SLC22A23: variants seen among roughly 807,000 people sequenced by gnomAD.
SLC22A23 encodes the protein ion transporter protein.
Under a neutral mutation model 61.0 loss-of-function variants are expected in SLC22A23, and 26 were observed. The observed-to-expected ratio is 0.43, with a 90% CI of 0.31 to 0.59. The LOEUF (loss-of-function observed/expected upper bound fraction) is 0.59. SLC22A23 is among the 20% of genes least tolerant of loss of function. SLC22A23 has a pLI of 0.11. For synonymous variants in SLC22A23, 430 were observed against 413.9 expected (o/e 1.04, Z -0.47); for missense variants, 796 against 934.7 (o/e 0.85, Z 1.94).
At position 3,420,407 on chromosome 6, in the gene SLC22A23, T is replaced by G. The variant is rs551100299; in HGVS notation, c.655-4552A>C. Among the ~76,000 whole-genome samples, 7 of 151,966 alleles carry G rather than the reference T, an allele frequency of 4.6e-5. No homozygotes were observed. The South Asian group carries it at 1.5e-3, about 32-fold the overall frequency. ...GAAAATTTCTAAAGAAGATGGAAAA[T>G]AAATGGGAGATAAAGAAAACAACCT... On this transcript the variant is annotated intron_variant, in intron 1 of 9. Coordinates refer to ENST00000406686, the MANE Select transcript of SLC22A23 (RefSeq NM_015482.2).
chr6:3,300,291 G>A (rs983932581), intron 4 of SLC22A23, among the ~76,000 whole-genome samples: 2 of 152,184 alleles, frequency 1.3e-5, no homozygotes, highest in Non-Finnish European at 2.9e-5. Context: ...TTACAGGCAT[G>A]AGCCACCGTG....
intron 4 of SLC22A23, 126 bp from the exon 5 acceptor site, chr6:3,298,344 C>A: frequency 9.6e-7 from 1 of 1,038,442 alleles, no homozygotes; most frequent in Non-Finnish European, 1.4e-6. Flanking sequence ...CGCATCAGCC[C>A]AATCAGGGGA....
At chr6:3,430,558 T>G (rs1270727155) in intron 1 of SLC22A23, among the ~76,000 whole-genome samples, 2 of 152,016 alleles carry the variant, frequency 1.3e-5, no homozygotes, top group African/African-American at 2.4e-5. Context: ...ACGTATTGAG[T>G]GCCACACCCC....
In SLC22A23 at chr6:3,273,383, C is replaced by T. The variant is rs1561853606; in HGVS notation, c.1733G>A (p.Ser578Asn). The T allele has an allele frequency of 1.2e-6, 2 of 1,612,438 alleles. No homozygotes were observed. Among genetic ancestry groups the T allele is most frequent in the Non-Finnish European group, 1.7e-6 (2 of 1,179,834 alleles). ...TGCCGTCAGCATGCCGAAGCCCGCG[C>T]TGGCCAGCACCAGCCCCAGCCCGCC... is the stretch of plus-strand genomic sequence containing the variant. ...RCGGLGLVLASAGFGMLTAPI... is the reference protein window; with the variant it reads ...RCGGLGLVLANAGFGMLTAPI... Residue 578 changes from serine to asparagine, a missense_variant, in exon 10 of 10, where the codon AGC becomes AAC. Physicochemically the swap from Ser to Asn is conservative, Grantham distance 46. Coordinates refer to ENST00000406686, the MANE Select transcript of SLC22A23 (RefSeq NM_015482.2).
intron 4 of SLC22A23, among the ~76,000 whole-genome samples, chr6:3,311,066 T>C (rs1337458472): frequency 2.6e-5 from 4 of 152,228 alleles, no homozygotes; most frequent in African/African-American, 9.6e-5. Flanking sequence ...ATCCACCTGC[T>C]GTGGACGGGC....
At chr6:3,348,294 C>T (rs12194122) in intron 3 of SLC22A23, among the ~76,000 whole-genome samples, 36,715 of 152,114 alleles carry the variant, frequency 0.24, 5,078 homozygotes, top group East Asian at 0.52. Flanking sequence ...GCTACTACAA[C>T]GGAGGGGTCT....
At chr6:3,307,711 A>C (rs1013103621) in intron 4 of SLC22A23, among the ~76,000 whole-genome samples, 1 of 152,264 alleles carries the variant, frequency 6.6e-6, no homozygotes, top group Non-Finnish European at 1.5e-5. Flanking sequence ...TGTCCACAGC[A>C]GCTGGAAGCG....
chr6:3,397,021 G>A (rs767258432), intron 3 of SLC22A23, among the ~76,000 whole-genome samples: 6 of 152,106 alleles, frequency 3.9e-5, no homozygotes, highest in African/African-American at 7.2e-5. Flanking sequence ...CACGCCCACC[G>A]GGGCTTCAGG....
At chr6:3,400,125 G>T (rs1261960789) in intron 3 of SLC22A23, among the ~76,000 whole-genome samples, 1 of 152,154 alleles carries the variant, frequency 6.6e-6, no homozygotes, top group Non-Finnish European at 1.5e-5. Context: ...TGATCCACCC[G>T]CCTCGGCCTC....
At position 3,366,324 on chromosome 6, in the gene SLC22A23, C is replaced by A. The variant is rs187320946; in HGVS notation, c.914-42322G>T. Among the ~76,000 whole-genome samples, 7 of 91,030 alleles carry A rather than the reference C, an allele frequency of 7.7e-5. No individual in the cohort carries two copies. The East Asian group carries it at 1.4e-3, about 18-fold the overall frequency. The allele number at this position is 91,030 out of a possible 152,430, so 59.7% of individuals were successfully genotyped here. A position where few individuals can be genotyped will look rare whatever the true frequency, so the allele number is the denominator to read the frequency against. Reference sequence around the variant, plus strand: ...CTCCAGCCTGGGTGACAGAGCAAGACTCTGTCTCAAAAAAAAAAAAAAAAA... The same window carrying A: ...CTCCAGCCTGGGTGACAGAGCAAGAATCTGTCTCAAAAAAAAAAAAAAAAA... On this transcript the variant is annotated intron_variant, in intron 3 of 9. Transcript: ENST00000406686.
intron 3 of SLC22A23, among the ~76,000 whole-genome samples, chr6:3,373,241 C>G (rs1404721806): frequency 6.6e-6 from 1 of 152,224 alleles, no homozygotes; most frequent in Non-Finnish European, 1.5e-5. Flanking sequence ...CAACCCTGGA[C>G]ATGTGTTGTC....
At chr6:3,351,999 G>A (rs757989542) in intron 3 of SLC22A23, among the ~76,000 whole-genome samples, 21 of 152,158 alleles carry the variant, frequency 1.4e-4, no homozygotes, top group Non-Finnish European at 1.9e-4. Flanking sequence ...TCCACCACCC[G>A]ACTGGTAAGG....
intron 6 of SLC22A23, among the ~76,000 whole-genome samples, chr6:3,287,779 G>A (rs1760180874): frequency 6.6e-6 from 1 of 151,830 alleles, no homozygotes; most frequent in South Asian, 2.1e-4. Context: ...CCCCTCCCTG[G>A]TTCAAGTGAT....
Position 3,323,868 on chromosome 6 carries a change from T to C in SLC22A23, c.1048A>G (p.Ile350Val), listed in dbSNP as rs763554137. 2.0e-5 allele frequency: 32 copies of C among 1,614,018 alleles called. No homozygotes were observed. In the South Asian group the frequency reaches 3.3e-4, roughly 17 times the overall value. The change falls in exon 4 of 10, where the codon ATC becomes GTC. Residue 350 changes from isoleucine to valine, a missense_variant. Transcript: ENST00000406686. ...RDWQVLQALI[I>V]CPFLLMLLYW... ...AGCAGCATGAGCAGGAAGGGGCAGATGATGAGGGCCTGCAGCACCTGCCAA... is the reference window on the plus strand; with the variant it reads ...AGCAGCATGAGCAGGAAGGGGCAGACGATGAGGGCCTGCAGCACCTGCCAA...
intron 3 of SLC22A23, among the ~76,000 whole-genome samples, chr6:3,389,893 G>A (rs773716893): frequency 5.9e-5 from 9 of 152,194 alleles, no homozygotes; most frequent in Admixed American, 2.0e-4. Context: ...TGCTGGAACC[G>A]GTTTCAAAGA....
rs938771340 is a variant in SLC22A23, at chr6:3,386,391, C to T, written c.913+23797G>A. 2.0e-5 allele frequency among the ~76,000 whole-genome samples: 3 copies of T among 152,200 alleles called. No homozygotes were observed. Among genetic ancestry groups the T allele is most frequent in the South Asian group, 2.1e-4 (1 of 4,834 alleles). ...GCACGCTTGCTCTGTGTACGCCACA[C>T]GCACAACCAGCCCTGGGGTCCCTGG... On this transcript the variant is annotated intron_variant, in intron 3 of 9. Transcript: ENST00000406686. This position sits in a 1 kb window ranked among gnomAD's most constrained non-coding sequence, Gnocchi z 4.4.
intron 3 of SLC22A23, among the ~76,000 whole-genome samples, chr6:3,370,156 T>A (rs1454040073): frequency 6.6e-6 from 1 of 152,212 alleles, no homozygotes; most frequent in Admixed American, 6.5e-5. Flanking sequence ...TCCCTAAATT[T>A]ATTTTTTCCT....
intron 5 of SLC22A23, among the ~76,000 whole-genome samples, chr6:3,296,208 G>A (rs1012462151): frequency 1.3e-5 from 2 of 152,350 alleles, no homozygotes; most frequent in Admixed American, 6.5e-5. Flanking sequence ...CGTCCAAAAC[G>A]AGCAAGCATG....
intron 3 of SLC22A23, among the ~76,000 whole-genome samples, chr6:3,334,931 A>G (rs1211998792): frequency 1.3e-5 from 2 of 152,216 alleles, no homozygotes; most frequent in East Asian, 3.8e-4. Context: ...TTTCCACACC[A>G]GGGGCTCTCC....
Sources: allele counts gnomAD v4.1 joint callset (sites outside exome capture counted in the v4.1 genomes callset), GRCh38; gene constraint gnomAD v4.1.1; non-coding constraint Gnocchi (gnomAD v3.1); transcripts MANE v1.5; gene names NCBI Gene and HGNC (gene_info 2026-07-23, HGNC 2026-07-21).